The following VGF variants were observed in gnomAD, a reference collection of about 807,000 sequenced individuals.
VGF encodes the protein neurosecretory protein VGF.
VGF carries 13 observed loss-of-function variants against 41.1 expected under a neutral mutation model. The observed-to-expected ratio is 0.32, with a 90% CI of 0.21 to 0.50. The LOEUF is 0.50. VGF is among the 20% of genes least tolerant of loss of function. The pLI, the probability that VGF is intolerant of heterozygous loss-of-function variation, is 0.98. For synonymous variants in VGF, 473 were observed against 418.3 expected (o/e 1.13, Z -1.60); for missense variants, 920 against 882.1 (o/e 1.04, Z -0.54).
In VGF at chr7:101,163,683, C is replaced by A; in HGVS notation, c.1161G>T (p.Glu387Asp). The change falls in exon 2 of 2, where the codon GAG becomes GAT. Residue 387 changes from glutamate to aspartate, a missense_variant. This residue lies in a region of VGF where 654 missense variants were observed against 638.4 expected (regional missense o/e 1.02). Transcript: ENST00000249330. The surrounding 1 kb of genome is among the most constrained non-coding windows in gnomAD (Gnocchi z 5.0). ...RVGEEDEEAA[E>D]AEAEAEEAER... is the part of the protein sequence containing the mutation. ...CCGCCTCCTCCGCCTCTGCCTCCGCCTCGGCCGCCTCCTCATCCTCTTCCC... is the reference window on the plus strand; with the variant it reads ...CCGCCTCCTCCGCCTCTGCCTCCGCATCGGCCGCCTCCTCATCCTCTTCCC... 1 of 1,537,614 alleles carries A rather than the reference C, an allele frequency of 6.5e-7. No homozygotes were observed. The highest frequency in any genetic ancestry group is 2.4e-5 in the East Asian group (1 of 40,934).
At chr7:101,166,630 G>A (rs1158021681), upstream of VGF, among the ~76,000 whole-genome samples, 1 of 150,638 alleles carries the variant, frequency 6.6e-6, no homozygotes, top group Non-Finnish European at 1.5e-5. Flanking sequence ...CAGCCCCTTC[G>A]ACCGTATCTC....
At position 101,164,176 on chromosome 7, in the gene VGF, A is replaced by G. The variant is rs1243356528; in HGVS notation, c.668T>C (p.Leu223Pro). The G allele has an allele frequency of 6.6e-7, 1 of 1,513,068 alleles. No individual in the cohort carries two copies. Among genetic ancestry groups the G allele is most frequent in the Non-Finnish European group, 8.8e-7 (1 of 1,137,594 alleles). The allele number at this position is 1,513,068 out of a possible 1,614,324, so 93.7% of individuals were successfully genotyped here. A position where few individuals can be genotyped will look rare whatever the true frequency, so the allele number is the denominator to read the frequency against. The change falls in exon 2 of 2, where the codon CTG becomes CCG. Residue 223 changes from leucine to proline, a missense_variant. Physicochemically the swap from Leu to Pro is moderately conservative, Grantham distance 98. Coordinates refer to ENST00000249330, the MANE Select transcript of VGF (RefSeq NM_003378.4). ...FQARVPERAP[L>P]PPPAPSQFQA... is the part of the protein sequence containing the mutation. ...GAATTGAGAGGGGGCCGGGGGCGGC[A>G]GGGGCGCGCGCTCCGGGACACGCGC...
chr7:101,162,731 C>T lies in VGF; in HGVS notation c.*265G>A. ...ACGTCCCCAGAGGGACTTGATGGGG[C>T]CGGGGCCCCGCGTGGCAAGGGAACT... On this transcript the variant is annotated 3_prime_UTR_variant, in exon 2 of 2. Coordinates refer to ENST00000249330, the MANE Select transcript of VGF (RefSeq NM_003378.4). The surrounding 1 kb of genome is among the most constrained non-coding windows in gnomAD (Gnocchi z 4.2). The T allele has an allele frequency of 1.7e-6, 1 of 591,800 alleles. No homozygotes were observed. Among genetic ancestry groups the T allele is most frequent in the Non-Finnish European group, 3.2e-6 (1 of 317,066 alleles). The allele number at this position is 591,800 out of a possible 1,614,324, so 36.7% of individuals were successfully genotyped here. A position where few individuals can be genotyped will look rare whatever the true frequency, so the allele number is the denominator to read the frequency against.
At chr7:101,169,674 G>A (rs976437434), upstream of VGF, among the ~76,000 whole-genome samples, 2 of 152,090 alleles carry the variant, frequency 1.3e-5, no homozygotes, top group African/African-American at 4.8e-5. Context: ...AGGCTGCGCT[G>A]TGCACACTCG....
In VGF at chr7:101,162,962, C is replaced by A. The variant is rs1329913517; in HGVS notation, c.*34G>T. 2 of 1,131,844 alleles carry A rather than the reference C, an allele frequency of 1.8e-6. No individual in the cohort carries two copies. Among genetic ancestry groups the A allele is most frequent in the East Asian group, 3.3e-5 (1 of 30,560 alleles). The allele number at this position is 1,131,844 out of a possible 1,614,324, so 70.1% of individuals were successfully genotyped here. On this transcript the variant is annotated 3_prime_UTR_variant, in exon 2 of 2. Coordinates refer to ENST00000249330, the MANE Select transcript of VGF (RefSeq NM_003378.4). This position sits in a 1 kb window ranked among gnomAD's most constrained non-coding sequence, Gnocchi z 4.2. ...GGGGGGCGCCGGCGCGCGCGCGCGGCGGGGGCGCGCGGGGGCGGGACCGGG... is the reference window on the plus strand; with the variant it reads ...GGGGGGCGCCGGCGCGCGCGCGCGGAGGGGGCGCGCGGGGGCGGGACCGGG...
upstream of VGF, among the ~76,000 whole-genome samples, chr7:101,167,991 G>T (rs1306764569): frequency 6.7e-6 from 1 of 149,604 alleles, no homozygotes; most frequent in Non-Finnish European, 1.5e-5. This position sits in a 1 kb window ranked among gnomAD's most constrained non-coding sequence, Gnocchi z 4.2. Context: ...GCACGCGCGC[G>T]TGTGTGTGTG....
In VGF at chr7:101,163,017, G is replaced by T; in HGVS notation, c.1827C>A (p.His609Gln). Residue 609 changes from histidine to glutamine, a missense_variant, in exon 2 of 2, where the codon CAC (histidine) becomes CAA (glutamine). His to Gln is a conservative substitution (Grantham distance 24, BLOSUM62 0). Around this residue, in one of 3 missense-constraint regions of VGF, gnomAD observed 257 missense variants for 217.2 expected, o/e 1.18. Transcript: ENST00000249330. The surrounding 1 kb of genome is among the most constrained non-coding windows in gnomAD (Gnocchi z 5.0). Reference protein sequence around the residue: ...EQEELENYIEHVLLRRP With the variant: ...EQEELENYIEQVLLRRP ...GCAGTCACGGGCGCCGGAGCAGCACGTGCTCGATGTAATTCTCCAGCTCCT... is the reference window on the plus strand; with the variant it reads ...GCAGTCACGGGCGCCGGAGCAGCACTTGCTCGATGTAATTCTCCAGCTCCT... 6.5e-7 allele frequency: 1 copy of T among 1,534,172 alleles called. No homozygotes were observed. The highest frequency in any genetic ancestry group is 8.7e-7 in the Non-Finnish European group (1 of 1,144,854).
chr7:101,166,073 G>A (rs1797214151), upstream of VGF, among the ~76,000 whole-genome samples: 1 of 152,144 alleles, frequency 6.6e-6, no homozygotes, highest in Non-Finnish European at 1.5e-5. Context: ...TTCAAGAGCC[G>A]ACCAGGGGGC....
In VGF at chr7:101,162,937, G is replaced by A. The variant is rs1797131374; in HGVS notation, c.*59C>T. ...ACCGAGGGGGAGCGGGCAACACGGA[G>A]GGGGGCGCCGGCGCGCGCGCGCGGC... On this transcript the variant is annotated 3_prime_UTR_variant, in exon 2 of 2. Transcript: ENST00000249330. This position sits in a 1 kb window ranked among gnomAD's most constrained non-coding sequence, Gnocchi z 4.2. The A allele has an allele frequency of 8.4e-6, 7 of 831,190 alleles. No individual in the cohort carries two copies. The Admixed American group carries it at 1.7e-4, about 21-fold the overall frequency. 51.5% of individuals were successfully genotyped at this position (831,190 alleles called of 1,614,324 possible).
At chr7:101,169,349 A>G (rs1262705201), upstream of VGF, among the ~76,000 whole-genome samples, 1 of 151,938 alleles carries the variant, frequency 6.6e-6, no homozygotes, top group Non-Finnish European at 1.5e-5. Flanking sequence ...CACACACACC[A>G]TCAAGGTGGT....
chr7:101,168,305 G>C (rs1031540068), upstream of VGF, among the ~76,000 whole-genome samples: 1 of 152,138 alleles, frequency 6.6e-6, no homozygotes, highest in African/African-American at 2.4e-5. Flanking sequence ...AAAAGGCTTG[G>C]AGATTCCACA....
At chr7:101,168,041 G>A (rs1180104775), upstream of VGF, among the ~76,000 whole-genome samples, 1 of 135,244 alleles carries the variant, frequency 7.4e-6, no homozygotes, top group East Asian at 2.2e-4. Flanking sequence ...TATCTCTTCT[G>A]CATGCCTGTA....
upstream of VGF, among the ~76,000 whole-genome samples, chr7:101,167,419 G>A (rs3919482): frequency 0.94 from 143,075 of 152,258 alleles, 67,286 homozygotes; most frequent in African/African-American, 0.98. The surrounding 1 kb of genome is among the most constrained non-coding windows in gnomAD (Gnocchi z 4.2). Flanking sequence ...ACCCCGAGGC[G>A]ATGCCTCCCA....
At chr7:101,168,614 G>C (rs1345385859), upstream of VGF, among the ~76,000 whole-genome samples, 2 of 152,198 alleles carry the variant, frequency 1.3e-5, no homozygotes, top group Non-Finnish European at 2.9e-5. Flanking sequence ...TATTGGTTCT[G>C]ACTTGTTTGT....
intron 1 of VGF, chr7:101,165,088 C>T (rs1158978399): frequency 3.2e-5 from 39 of 1,236,346 alleles, no homozygotes; most frequent in Non-Finnish European, 3.8e-5. Context: ...TACCCAGGGC[C>T]TCCTCGGCCC....
intron 1 of VGF, chr7:101,165,117 C>A: frequency 8.4e-7 from 1 of 1,191,720 alleles, no homozygotes; most frequent in East Asian, 3.6e-5. Context: ...AGCCATCTCA[C>A]TGCCATCGCC....
rs551391287 is a variant in VGF at position 101,164,167 on chromosome 7, G to A, written c.677C>T (p.Pro226Leu). Residue 226 changes from proline to leucine, a missense_variant, in exon 2 of 2, where the codon CCG (proline) becomes CTG (leucine). Around this residue, in one of 3 missense-constraint regions of VGF, gnomAD observed 654 missense variants for 638.4 expected, o/e 1.02. Coordinates refer to ENST00000249330, the MANE Select transcript of VGF (RefSeq NM_003378.4). ...RVPERAPLPP[P>L]APSQFQARMP... ...ACGCGCCTGGAATTGAGAGGGGGCCGGGGGCGGCAGGGGCGCGCGCTCCGG... is the reference window on the plus strand; with the variant it reads ...ACGCGCCTGGAATTGAGAGGGGGCCAGGGGCGGCAGGGGCGCGCGCTCCGG... The A allele has an allele frequency of 1.7e-5, 25 of 1,508,512 alleles. No homozygotes were observed. In the South Asian group the frequency reaches 3.3e-4, roughly 20 times the overall value. The allele number at this position is 1,508,512 out of a possible 1,614,324, so 93.4% of individuals were successfully genotyped here. A position where few individuals can be genotyped will look rare whatever the true frequency, so the allele number is the denominator to read the frequency against.
chr7:101,164,679 G>T lies in VGF; in HGVS notation c.165C>A (p.Ser55Arg), dbSNP rs1454264393. The T allele has an allele frequency of 6.3e-7, 1 of 1,598,874 alleles. No individual in the cohort carries two copies. The highest frequency in any genetic ancestry group is 8.5e-7 in the Non-Finnish European group (1 of 1,173,038). ...TCCGAGCGCCTCGGACCTCTGGGGC[G>T]CTGCCATCCTTTGGCCCGGGCACTG... is the stretch of plus-strand genomic sequence containing the variant. ...GDAVPGPKDG[S>R]APEVRGARNS... Residue 55 changes from serine (S) to arginine (R), a missense_variant, in exon 2 of 2, where the codon AGC becomes AGA. This residue lies in a region of VGF where 654 missense variants were observed against 638.4 expected (regional missense o/e 1.02). Transcript: ENST00000249330.
upstream of VGF, chr7:101,165,717 G>T (rs758649705): frequency 2.2e-4 from 202 of 938,594 alleles, no homozygotes; most frequent in Non-Finnish European, 2.5e-4. Context: ...GAGGGTGCCT[G>T]CCTCTCCCGG....
Sources: allele counts gnomAD v4.1 joint callset (sites outside exome capture counted in the v4.1 genomes callset), GRCh38; gene constraint gnomAD v4.1.1; regional missense constraint gnomAD v4.1.1; non-coding constraint Gnocchi (gnomAD v3.1); transcripts MANE v1.5; gene names NCBI Gene and HGNC (gene_info 2026-07-23, HGNC 2026-07-21).